The following PDPN variants were observed in gnomAD, a reference collection of about 807,000 sequenced individuals.
PDPN encodes PA2.26 antigen.
A neutral mutation model predicts 23.2 loss-of-function variants in PDPN; 12 were observed. The ratio of observed to expected loss-of-function variants is 0.52; its 90% CI spans 0.33 to 0.84. The LOEUF (loss-of-function observed/expected upper bound fraction) is 0.84, where lower values mean the gene tolerates loss of function less well. Among genes scored for constraint, PDPN ranks in the 40% least tolerant of loss-of-function variants. The probability of loss-of-function intolerance (pLI) is 0.02; values close to 1 mark genes in which losing one functional copy is unlikely to be tolerated. For missense variants in PDPN, 199 were observed against 212.2 expected (o/e 0.94, Z 0.39); for synonymous variants, 77 against 76.7 (o/e 1.00, Z -0.02).
At position 13,596,921 on chromosome 1, in the gene PDPN, T is replaced by C. The variant is rs186313821; in HGVS notation, c.68-10252T>C. Among the ~76,000 whole-genome samples, 42 of 152,232 alleles carry C rather than the reference T, an allele frequency of 2.8e-4. No individual in the cohort carries two copies. The East Asian group carries it at 7.9e-3, about 29-fold the overall frequency. On this transcript the variant is annotated intron_variant, in intron 1 of 5. Coordinates refer to ENST00000621990, the MANE Select transcript of PDPN (RefSeq NM_006474.5). ...GATATGAGCACCTCAGTGACTGCAG[T>C]GGGTGGCCGGCAGAGTGCTGGAAAA...
chr1:13,605,631 T>C (rs183092030), intron 1 of PDPN, among the ~76,000 whole-genome samples: 321 of 152,116 alleles, frequency 2.1e-3, no homozygotes, highest in African/African-American at 6.6e-3. Flanking sequence ...CAGAAACCTT[T>C]TTTTTTCTTT....
chr1:13,592,839 C>T (rs758012341), intron 1 of PDPN, among the ~76,000 whole-genome samples: 2 of 152,104 alleles, frequency 1.3e-5, no homozygotes, highest in African/African-American at 4.8e-5. Flanking sequence ...CGTGAGCCAC[C>T]GCGCCTGGCC....
chr1:13,586,647 CA>C (rs1276642439), intron 1 of PDPN, among the ~76,000 whole-genome samples: 1 of 151,672 alleles, frequency 6.6e-6, no homozygotes, highest in East Asian at 1.9e-4. Context: ...CTACTTCTTT[CA>C]ATCATCATAA....
chr1:13,605,282 A>G lies in PDPN; in HGVS notation c.68-1891A>G, dbSNP rs112056084. Among the ~76,000 whole-genome samples the G allele has an allele frequency of 3.5e-3, 527 of 152,256 alleles. 4 individuals are homozygous for G. Among genetic ancestry groups the G allele is most frequent in the African/African-American group, 0.012 (509 of 41,504 alleles). Reference sequence around the variant, plus strand: ...TGGATTGCTAATGTAAGTGCTGCCTAGAGACAAACAAACATCTGCTCTTTC... The same window carrying G: ...TGGATTGCTAATGTAAGTGCTGCCTGGAGACAAACAAACATCTGCTCTTTC... On this transcript the variant is annotated intron_variant, in intron 1 of 5. Transcript: ENST00000621990.
chr1:13,601,198 A>G (rs1295849370), intron 1 of PDPN, among the ~76,000 whole-genome samples: 1 of 152,186 alleles, frequency 6.6e-6, no homozygotes, highest in East Asian at 1.9e-4. Context: ...CTGTCAGCTG[A>G]TGTGAGGAGG....
In PDPN at chr1:13,599,373, CTTTTTTTTTTTT is replaced by C. The variant is rs70984267; in HGVS notation, c.68-7781_68-7770del. Among the ~76,000 whole-genome samples, 703 of 77,104 alleles carry C rather than the reference CTTTTTTTTTTTT, an allele frequency of 9.1e-3. 11 individuals carry two copies. The highest frequency in any genetic ancestry group is 0.034 in the African/African-American group (595 of 17,366). 50.6% of individuals were successfully genotyped at this position (77,104 alleles called of 152,430 possible). On this transcript the variant is annotated intron_variant, in intron 1 of 5. Coordinates refer to ENST00000621990, the MANE Select transcript of PDPN (RefSeq NM_006474.5). ...TATCTTGATGTGTTCGAGAAGCTAT[CTTTTTTTTTTTT>C]TTTTTTTTTTTTTTTTTTCAGACAG...
At chr1:13,602,009 AT>A (rs1640653677) in intron 1 of PDPN, among the ~76,000 whole-genome samples, 22 of 144,866 alleles carry the variant, frequency 1.5e-4, no homozygotes, top group African/African-American at 5.1e-4. Context: ...TGGGTGGCTC[AT>A]GCCTTTGGGT....
At chr1:13,588,266 A>G (rs1640233680) in intron 1 of PDPN, among the ~76,000 whole-genome samples, 1 of 152,148 alleles carries the variant, frequency 6.6e-6, no homozygotes, top group Non-Finnish European at 1.5e-5. Context: ...AACAATCACC[A>G]TTGTTAATGT....
intron 1 of PDPN, among the ~76,000 whole-genome samples, chr1:13,594,969 T>G (rs1309923063): frequency 7.1e-6 from 1 of 140,812 alleles, no homozygotes; most frequent in Non-Finnish European, 1.5e-5. Context: ...CACTCCAGCC[T>G]GGGCGACAGA....
At chr1:13,608,210 CTATT>C (rs888121746) in intron 2 of PDPN, among the ~76,000 whole-genome samples, 2 of 152,304 alleles carry the variant, frequency 1.3e-5, no homozygotes, top group Non-Finnish European at 2.9e-5. Context: ...AGATGATAGA[CTATT>C]TAGCCTCTCG....
At chr1:13,603,246 G>C (rs1402426348) in intron 1 of PDPN, among the ~76,000 whole-genome samples, 1 of 152,052 alleles carries the variant, frequency 6.6e-6, no homozygotes, top group Non-Finnish European at 1.5e-5. Context: ...AGCTGGGCGT[G>C]GTGGTGCACA....
chr1:13,590,096 G>A (rs966037130), intron 1 of PDPN, among the ~76,000 whole-genome samples: 1 of 152,160 alleles, frequency 6.6e-6, no homozygotes, highest in African/African-American at 2.4e-5. Context: ...CCCAAGTGCT[G>A]GAATTACAGG....
chr1:13,615,025 G>A (rs1198243690), intron 5 of PDPN, among the ~76,000 whole-genome samples: 2 of 152,130 alleles, frequency 1.3e-5, no homozygotes, highest in Admixed American at 6.6e-5. Flanking sequence ...TAATCAGCCC[G>A]TCTCCAACCA....
chr1:13,607,424 C>T, intron 2 of PDPN, 118 bp downstream of exon 2: 3 of 664,188 alleles, frequency 4.5e-6, no homozygotes, highest in Non-Finnish European at 6.8e-6. Flanking sequence ...CAGCATGAGC[C>T]ACCATACCAA....
At chr1:13,597,268 C>T (rs1448796675) in intron 1 of PDPN, among the ~76,000 whole-genome samples, 5 of 152,168 alleles carry the variant, frequency 3.3e-5, no homozygotes, top group Admixed American at 1.3e-4. Context: ...AACACCATTT[C>T]GTCATCCATC....
chr1:13,585,589 C>G (rs1640155805), intron 1 of PDPN: 1 of 1,351,810 alleles, frequency 7.4e-7, no homozygotes, highest in Non-Finnish European at 9.8e-7. Context: ...TTGTTTTTGC[C>G]CAGGGAAGCT....
chr1:13,615,989 C>A lies in PDPN; in HGVS notation c.*78C>A. 1.4e-6 allele frequency: 2 copies of A among 1,382,952 alleles called. No homozygotes were observed. Among genetic ancestry groups the A allele is most frequent in the Non-Finnish European group, 2.1e-6 (2 of 969,878 alleles). 85.7% of individuals were successfully genotyped at this position (1,382,952 alleles called of 1,614,324 possible). A position where few individuals can be genotyped will look rare whatever the true frequency, so the allele number is the denominator to read the frequency against. On this transcript the variant is annotated 3_prime_UTR_variant, in exon 6 of 6. Transcript: ENST00000621990. ...TGACTCTGTGCCCTGTCCCTGAGCT[C>A]GTGGGAGAAGATGACCCGTGGAACA...
At chr1:13,613,846 A>C in intron 4 of PDPN, 121 bp downstream of exon 4, 1 of 575,434 alleles carries the variant, frequency 1.7e-6, no homozygotes, top group Non-Finnish European at 3.1e-6. Flanking sequence ...CAGAATAGAA[A>C]ACATTCCGAG....
At chr1:13,587,352 A>C (rs896702425) in intron 1 of PDPN, among the ~76,000 whole-genome samples, 7 of 152,242 alleles carry the variant, frequency 4.6e-5, no homozygotes, top group African/African-American at 1.7e-4. Flanking sequence ...TGTGCCCTGC[A>C]GTCCTCACCA....
Sources: gnomAD v4.1 joint callset for allele counts (sites outside exome capture counted in the v4.1 genomes callset) on GRCh38, gnomAD v4.1.1 for gene constraint, MANE v1.5 for transcripts, NCBI Gene and HGNC (gene_info 2026-07-23, HGNC 2026-07-21) for gene names.